PIK3AP1: variants seen among roughly 807,000 people sequenced by gnomAD.
PIK3AP1 encodes the protein phosphoinositide-3-kinase adaptor protein 1.
A neutral mutation model predicts 88.1 loss-of-function variants in PIK3AP1; 21 were observed. The observed-to-expected ratio is 0.24, with a 90% CI of 0.17 to 0.34. The LOEUF is 0.34. PIK3AP1 is among the 10% of genes least tolerant of loss of function. The pLI, the probability that PIK3AP1 is intolerant of heterozygous loss-of-function variation, is 1.00. For synonymous variants in PIK3AP1, 398 were observed against 400.0 expected (o/e 1.00, Z 0.06); for missense variants, 828 against 1,035.7 (o/e 0.80, Z 2.75).
chr10:96,660,835 G>A (rs1270668526), intron 2 of PIK3AP1, among the ~76,000 whole-genome samples: 1 of 152,148 alleles, frequency 6.6e-6, no homozygotes, highest in African/African-American at 2.4e-5. Context: ...AAAGAAATGA[G>A]CAGGCAAGCC....
rs80314712 is a variant in PIK3AP1, at chr10:96,643,262, G to A, written c.1375+2211C>T. Among the ~76,000 whole-genome samples, 1,084 of 152,348 alleles carry A rather than the reference G, an allele frequency of 7.1e-3. 7 individuals are homozygous for A. Among genetic ancestry groups the A allele is most frequent in the Non-Finnish European group, 0.012 (807 of 68,026 alleles). On this transcript the variant is annotated intron_variant, in intron 8 of 16. Transcript: ENST00000339364. The stretch of plus-strand genomic sequence containing the variant: ...TTCCAAAAGGAACCACGACTAAAAT[G>A]CATGGTGTTGGATAACAATTTCTGC...
intron 2 of PIK3AP1, among the ~76,000 whole-genome samples, chr10:96,675,970 A>C (rs1400571593): frequency 2.0e-5 from 3 of 152,202 alleles, no homozygotes; most frequent in Admixed American, 2.0e-4. Flanking sequence ...CAATTCAAAC[A>C]ACCAAACCAG....
chr10:96,664,846 C>A (rs1319675447), intron 2 of PIK3AP1, among the ~76,000 whole-genome samples: 1 of 149,650 alleles, frequency 6.7e-6, no homozygotes, highest in African/African-American at 2.6e-5. Context: ...CAATGCACTA[C>A]GGAGAAGGCA....
intron 2 of PIK3AP1, among the ~76,000 whole-genome samples, chr10:96,693,492 T>G (rs2790463): frequency 0.57 from 87,058 of 151,942 alleles, 26,693 homozygotes; most frequent in African/African-American, 0.81. Context: ...GTACTCCTCG[T>G]TCAGCCTGCC....
At position 96,651,278 on chromosome 10, in the gene PIK3AP1, T is replaced by G; in HGVS notation, c.958A>C (p.Asn320His). Residue 320 changes from asparagine to histidine, a missense_variant, in exon 6 of 17, where the codon AAC (asparagine) becomes CAC (histidine). By Grantham distance (68) the Asn-to-His change is moderately conservative (BLOSUM62 1). This residue lies in a region of PIK3AP1 where 610 missense variants were observed against 760.1 expected (regional missense o/e 0.80). Transcript: ENST00000339364. ...PASGLHLFGI[N>H]QLEEEDMMTN... ...ATCATATCTTCTTCTTCCAGCTGGT[T>G]GATTCCAAAGAGGTGCAGTCCGCTT... 6.2e-7 allele frequency: 1 copy of G among 1,614,252 alleles called. No homozygotes were observed. The highest frequency in any genetic ancestry group is 8.5e-7 in the Non-Finnish European group (1 of 1,180,042).
intron 13 of PIK3AP1, among the ~76,000 whole-genome samples, chr10:96,611,013 C>T (rs1282936157): frequency 6.6e-6 from 1 of 152,136 alleles, no homozygotes; most frequent in African/African-American, 2.4e-5. Flanking sequence ...AGGGGACAGG[C>T]GTGGCAGGAA....
At chr10:96,689,471 G>A (rs1028670357) in intron 2 of PIK3AP1, among the ~76,000 whole-genome samples, 2 of 150,428 alleles carry the variant, frequency 1.3e-5, no homozygotes, top group Middle Eastern at 3.5e-3. Context: ...TCAGGAGGCC[G>A]AGGCAGGAGA....
intron 1 of PIK3AP1, among the ~76,000 whole-genome samples, chr10:96,717,794 A>G (rs1844522826): frequency 6.6e-6 from 1 of 152,180 alleles, no homozygotes; most frequent in Admixed American, 6.5e-5. Flanking sequence ...ACAAGATGCC[A>G]TCAGGGGCCT....
chr10:96,679,882 C>T (rs1843977050), intron 2 of PIK3AP1, among the ~76,000 whole-genome samples: 1 of 152,178 alleles, frequency 6.6e-6, no homozygotes, highest in Non-Finnish European at 1.5e-5. Context: ...AACAGAAACT[C>T]TTCCCTTCAT....
intron 13 of PIK3AP1, among the ~76,000 whole-genome samples, chr10:96,615,666 C>G (rs1334064855): frequency 6.6e-6 from 1 of 152,082 alleles, no homozygotes; most frequent in East Asian, 1.9e-4. Flanking sequence ...CTAGAGTGGT[C>G]CAGGAAGGTG....
chr10:96,656,805 C>T lies in PIK3AP1; in HGVS notation c.560G>A (p.Arg187His), dbSNP rs1564973088. The part of the protein sequence containing the change: ...NLMVVQPDRI[R>H]CGAETTVYVI... Reference sequence around the variant, plus strand: ...GCCCCCAGCAGTGCCTACCCCACAGCGAATGCGGTCCGGCTGCACCACCAT... The same window carrying T: ...GCCCCCAGCAGTGCCTACCCCACAGTGAATGCGGTCCGGCTGCACCACCAT... The change falls in exon 3 of 17, where the codon CGC (arginine) becomes CAC (histidine). Residue 187 changes from arginine to histidine, a missense_variant. By Grantham distance (29) the Arg-to-His change is conservative. This residue lies in a region of PIK3AP1 where 610 missense variants were observed against 760.1 expected (regional missense o/e 0.80). Transcript: ENST00000339364. 11 of 1,614,042 alleles carry T rather than the reference C, an allele frequency of 6.8e-6. No individual in the cohort carries two copies. The highest frequency in any genetic ancestry group is 6.7e-5 in the East Asian group (3 of 44,882).
intron 12 of PIK3AP1, among the ~76,000 whole-genome samples, chr10:96,617,898 A>T (rs1277823977): frequency 1.3e-5 from 2 of 152,230 alleles, no homozygotes; most frequent in East Asian, 3.8e-4. Flanking sequence ...GGGGCTGGAA[A>T]CATGGAACTG....
At position 96,609,743 on chromosome 10, in the gene PIK3AP1, G is replaced by A. The variant is rs1287219851; in HGVS notation, c.2139C>T (p.Asp713=). The stretch of plus-strand genomic sequence containing the variant: ...TGCTGGAGGTGCTGTCTGTTTTCCA[G>A]TCTCCTCGTCTCAGCTCCGTCCTAG... ...IPPRTELRRG[D]WKTDSTSSTA... The change falls in exon 14 of 17, where the codon GAC becomes GAT. Residue 713 remains aspartate, a synonymous_variant. Coordinates refer to ENST00000339364, the MANE Select transcript of PIK3AP1 (RefSeq NM_152309.3). The A allele has an allele frequency of 2.5e-6, 4 of 1,613,890 alleles. No homozygotes were observed. The African/African-American group carries it at 5.3e-5, about 22-fold the overall frequency.
intron 2 of PIK3AP1, among the ~76,000 whole-genome samples, chr10:96,657,706 C>A (rs771750191): frequency 9.9e-5 from 15 of 152,132 alleles, no homozygotes; most frequent in Admixed American, 7.9e-4. Context: ...CATTTGCCTG[C>A]ACTTTTCTGG....
At chr10:96,607,137 T>A (rs910715254) in intron 14 of PIK3AP1, among the ~76,000 whole-genome samples, 3 of 152,196 alleles carry the variant, frequency 2.0e-5, no homozygotes, top group African/African-American at 4.8e-5. Context: ...GTGTTTTTTT[T>A]AGGGTGTGAT....
chr10:96,601,193 G>A (rs1848882789), intron 16 of PIK3AP1, among the ~76,000 whole-genome samples: 1 of 152,160 alleles, frequency 6.6e-6, no homozygotes, highest in Non-Finnish European at 1.5e-5. Context: ...GGAAATTGAG[G>A]CTGGGCATGG....
intron 14 of PIK3AP1, among the ~76,000 whole-genome samples, chr10:96,607,238 C>T (rs1185715976): frequency 6.6e-6 from 1 of 152,186 alleles, no homozygotes; most frequent in Non-Finnish European, 1.5e-5. Flanking sequence ...GAAGGCAGTA[C>T]ACCCCCACAG....
chr10:96,687,273 AAAAAAAAAAAAAG>A (rs537457803), intron 2 of PIK3AP1, among the ~76,000 whole-genome samples: 4,862 of 145,268 alleles, frequency 0.033, 400 homozygotes, highest in African/African-American at 0.12. Context: ...AAAAAAAAAA[AAAAAAAAAAAAAG>A]AAAAAAGATC....
At chr10:96,632,990 T>G in intron 8 of PIK3AP1, 5 of 1,612,802 alleles carry the variant, frequency 3.1e-6, no homozygotes, top group Non-Finnish European at 4.2e-6. Context: ...AGCCAGTCCT[T>G]GCATCTGATC....
Sources: gnomAD v4.1 joint callset for allele counts (sites outside exome capture counted in the v4.1 genomes callset) on GRCh38, gnomAD v4.1.1 for gene constraint, gnomAD v4.1.1 regional missense constraint, MANE v1.5 for transcripts, NCBI Gene and HGNC (gene_info 2026-07-23, HGNC 2026-07-21) for gene names.